CSMD3: variants seen among roughly 807,000 people sequenced by gnomAD.
CSMD3 encodes the protein CUB and sushi domain-containing protein 3.
In CSMD3, 177 loss-of-function variants were observed where a neutral mutation model predicts 435.2. The ratio of observed to expected loss-of-function variants is 0.41; its 90% CI spans 0.36 to 0.46. CSMD3 has a LOEUF of 0.46. CSMD3 is among the 20% of genes least tolerant of loss of function. The pLI is 0.34. For synonymous variants in CSMD3, 1,656 were observed against 1,520.5 expected (o/e 1.09, Z -2.07); for missense variants, 4,265 against 4,504.6 (o/e 0.95, Z 1.52).
At chr8:112,653,660 CT>C (rs71309782) in intron 18 of CSMD3, among the ~76,000 whole-genome samples, 43,709 of 129,684 alleles carry the variant, frequency 0.34, 5,989 homozygotes, top group Middle Eastern at 0.53. Context: ...ATAATCTTAT[CT>C]TTTTTTTTTT....
intron 4 of CSMD3, among the ~76,000 whole-genome samples, chr8:113,168,717 A>G (rs867475783): frequency 6.6e-6 from 1 of 151,870 alleles, no homozygotes; most frequent in African/African-American, 2.4e-5. Context: ...GAAATATGGC[A>G]CCAAATTATT....
chr8:112,313,303 T>C (rs1822154444), intron 49 of CSMD3, among the ~76,000 whole-genome samples: 1 of 152,186 alleles, frequency 6.6e-6, no homozygotes, highest in South Asian at 2.1e-4. Context: ...CGCTTCCGTT[T>C]TTAAAAACGG....
At chr8:113,434,733 A>G (rs1479974123) in intron 1 of CSMD3, among the ~76,000 whole-genome samples, 1 of 152,214 alleles carries the variant, frequency 6.6e-6, no homozygotes, top group Non-Finnish European at 1.5e-5. Context: ...ATATCAGTCC[A>G]AAGTAAATTA....
chr8:112,388,484 G>A (rs1004577011), intron 36 of CSMD3, among the ~76,000 whole-genome samples: 1 of 152,154 alleles, frequency 6.6e-6, no homozygotes, highest in Non-Finnish European at 1.5e-5. Flanking sequence ...ATTGTACCGA[G>A]TAAGAGTCAG....
chr8:112,893,053 G>GCTA (rs1564074214), intron 10 of CSMD3, among the ~76,000 whole-genome samples: 2 of 150,970 alleles, frequency 1.3e-5, no homozygotes, highest in African/African-American at 2.4e-5. Context: ...TGCTGCTGCT[G>GCTA]CTACTACTAC....
intron 13 of CSMD3, among the ~76,000 whole-genome samples, chr8:112,757,566 CTG>C (rs551018686): frequency 6.6e-5 from 10 of 151,992 alleles, no homozygotes; most frequent in Non-Finnish European, 1.0e-4. Context: ...TTGTATCTGG[CTG>C]TCTCTTAATT....
Position 113,400,521 on chromosome 8 carries a change from C to A in CSMD3, c.178+36156G>T, listed in dbSNP as rs139705635. On this transcript the variant is annotated intron_variant, in intron 1 of 70. Coordinates refer to ENST00000297405, the MANE Select transcript of CSMD3 (RefSeq NM_198123.2). The stretch of plus-strand genomic sequence containing the variant: ...TTTTGGACACTACTTTTTAAAGCAG[C>A]CTGAGTGCTACAGACGTTCTTCAAT... 1.0e-3 allele frequency among the ~76,000 whole-genome samples: 155 copies of A among 151,998 alleles called. 1 individual carries two copies. The highest frequency in any genetic ancestry group is 3.6e-3 in the African/African-American group (149 of 41,530).
At chr8:112,591,116 T>C (rs921137382) in intron 22 of CSMD3, among the ~76,000 whole-genome samples, 1 of 152,132 alleles carries the variant, frequency 6.6e-6, no homozygotes, top group Non-Finnish European at 1.5e-5. Flanking sequence ...ATATAAATAT[T>C]TTCTGTGCAA....
chr8:112,361,380 G>T (rs991899955), intron 38 of CSMD3, among the ~76,000 whole-genome samples: 1 of 151,218 alleles, frequency 6.6e-6, no homozygotes, highest in Non-Finnish European at 1.5e-5. Flanking sequence ...CAGTTACCCT[G>T]GCTGAAAATA....
At chr8:112,255,881 T>C (rs998979207) in intron 61 of CSMD3, 5 of 169,754 alleles carry the variant, frequency 2.9e-5, no homozygotes, top group Non-Finnish European at 5.1e-5. Context: ...TCTGGTTATT[T>C]GTTTTATTGT....
intron 53 of CSMD3, among the ~76,000 whole-genome samples, chr8:112,299,538 A>C (rs1820704421): frequency 6.6e-6 from 1 of 152,130 alleles, no homozygotes; most frequent in South Asian, 2.1e-4. Flanking sequence ...AAATATGAAA[A>C]AAATGCTAAT....
intron 41 of CSMD3, among the ~76,000 whole-genome samples, chr8:112,343,114 C>A (rs1350031652): frequency 6.9e-6 from 1 of 145,826 alleles, no homozygotes; most frequent in African/African-American, 2.5e-5. Flanking sequence ...AATCAAGTAT[C>A]TAAATCTCTT....
At chr8:112,680,074 G>A (rs753898904) in intron 16 of CSMD3, among the ~76,000 whole-genome samples, 3 of 152,154 alleles carry the variant, frequency 2.0e-5, no homozygotes, top group Non-Finnish European at 4.4e-5. Flanking sequence ...ATGTGTGGCC[G>A]TAGGGCGTGG....
At chr8:112,687,364 TC>T (rs1487129251) in intron 14 of CSMD3, among the ~76,000 whole-genome samples, 1 of 152,108 alleles carries the variant, frequency 6.6e-6, no homozygotes, top group Non-Finnish European at 1.5e-5. Context: ...CATAAACTGA[TC>T]ATTTAAGTTT....
intron 13 of CSMD3, among the ~76,000 whole-genome samples, chr8:112,693,708 T>C (rs1361213882): frequency 1.3e-5 from 2 of 151,914 alleles, no homozygotes; most frequent in East Asian, 1.9e-4. Context: ...TCTAGGAAAT[T>C]GTTACCATTA....
chr8:112,968,783 G>A (rs1345786229), intron 7 of CSMD3, among the ~76,000 whole-genome samples: 1 of 151,840 alleles, frequency 6.6e-6, no homozygotes, highest in Admixed American at 6.6e-5. Context: ...AAGATAAGAT[G>A]TACAATAAAA....
intron 13 of CSMD3, among the ~76,000 whole-genome samples, chr8:112,704,450 T>C (rs991836153): frequency 2.8e-4 from 42 of 152,256 alleles, no homozygotes; most frequent in African/African-American, 9.4e-4. Flanking sequence ...AGCTCTTAGA[T>C]CGCAAATTTA....
intron 28 of CSMD3, among the ~76,000 whole-genome samples, chr8:112,514,452 G>A (rs1324536635): frequency 6.6e-6 from 1 of 152,096 alleles, no homozygotes; most frequent in African/African-American, 2.4e-5. Context: ...TGAATGCAGT[G>A]TTTTCTGAGG....
At chr8:112,698,154 A>C (rs974202318) in intron 13 of CSMD3, among the ~76,000 whole-genome samples, 8 of 150,928 alleles carry the variant, frequency 5.3e-5, no homozygotes, top group African/African-American at 1.9e-4. Flanking sequence ...TATGTGAAGA[A>C]GGTTGAGAAT....
Sources: gnomAD v4.1 joint callset for allele counts (sites outside exome capture counted in the v4.1 genomes callset) on GRCh38, gnomAD v4.1.1 for gene constraint, MANE v1.5 for transcripts, NCBI Gene and HGNC (gene_info 2026-07-23, HGNC 2026-07-21) for gene names.